The following SOAT1 variants were observed in gnomAD, a reference collection of about 807,000 sequenced individuals.
SOAT1 encodes the protein acyl-coenzyme A:cholesterol acyltransferase 1.
In SOAT1, 55 loss-of-function variants were observed where a neutral mutation model predicts 69.5. The ratio of observed to expected loss-of-function variants is 0.79; its 90% CI spans 0.64 to 0.99. The LOEUF is 0.99. Among genes scored for constraint, SOAT1 ranks in the 50% least tolerant of loss-of-function variants. The probability of loss-of-function intolerance (pLI) is 0.00; values close to 1 mark genes in which losing one functional copy is unlikely to be tolerated. For missense variants in SOAT1, 580 were observed against 669.3 expected (o/e 0.87, Z 1.47); for synonymous variants, 231 against 224.7 (o/e 1.03, Z -0.25).
intron 1 of SOAT1, among the ~76,000 whole-genome samples, chr1:179,301,558 G>A (rs748197424): frequency 9.2e-5 from 14 of 152,172 alleles, no homozygotes; most frequent in Non-Finnish European, 2.1e-4. Flanking sequence ...TGGGGCTGTG[G>A]TGTGCATTCC....
chr1:179,347,808 A>G lies in SOAT1; in HGVS notation c.1215+111A>G. On this transcript the variant is annotated intron_variant, in intron 12 of 15. Coordinates refer to ENST00000367619, the MANE Select transcript of SOAT1 (RefSeq NM_003101.6). ...CAGCCTTTCACACAAACATTGTGAA[A>G]TAATTTTCTTTTCTACAAGTTTTGC... 3.1e-6 allele frequency: 2 copies of G among 652,428 alleles called. 1 individual carries two copies. The highest frequency in any genetic ancestry group is 4.2e-5 in the South Asian group (2 of 47,178). 40.4% of individuals were successfully genotyped at this position (652,428 alleles called of 1,614,324 possible).
intron 9 of SOAT1, among the ~76,000 whole-genome samples, 173 bp from the exon 10 acceptor site, chr1:179,343,417 G>T (rs374459818): frequency 4.0e-5 from 6 of 151,896 alleles, no homozygotes; most frequent in Admixed American, 2.6e-4. Flanking sequence ...ATTAGAGACG[G>T]GGTTTCACCA....
At position 179,351,721 on chromosome 1, in the gene SOAT1, A is replaced by ATTTTTTTTTTTTTTTTTTTTTTTT. The variant is rs71901753; in HGVS notation, c.1596+275_1596+276insTTTTTTTTTTTTTTTTTTTTTTTT. Among the ~76,000 whole-genome samples, 322 of 106,420 alleles carry ATTTTTTTTTTTTTTTTTTTTTTTT rather than the reference A, an allele frequency of 3.0e-3. 31 individuals carry two copies. Among genetic ancestry groups the ATTTTTTTTTTTTTTTTTTTTTTTT allele is most frequent in the African/African-American group, 5.1e-3 (128 of 25,130 alleles). 69.8% of individuals were successfully genotyped at this position (106,420 alleles called of 152,430 possible). The stretch of plus-strand genomic sequence containing the variant: ...ACTGCCTTTTCTTCAGCCCCTTCTA[A>ATTTTTTTTTTTTTTTTTTTTTTTT]TTTTTTTTTTTTTTTTGAGACAGAG... On this transcript the variant is annotated intron_variant, in intron 15 of 15. Transcript: ENST00000367619.
intron 3 of SOAT1, among the ~76,000 whole-genome samples, chr1:179,327,129 T>A (rs1665822372): frequency 6.6e-6 from 1 of 152,198 alleles, no homozygotes; most frequent in African/African-American, 2.4e-5. Flanking sequence ...ATTGGTCACA[T>A]TTTTTTAGTT....
chr1:179,323,944 C>A (rs17277834), intron 3 of SOAT1, among the ~76,000 whole-genome samples: 28,730 of 151,952 alleles, frequency 0.19, 2,944 homozygotes, highest in Non-Finnish European at 0.23. Flanking sequence ...TTCTACAAAC[C>A]AGAATTCTTC....
At chr1:179,310,752 G>A (rs1320463782) in intron 2 of SOAT1, among the ~76,000 whole-genome samples, 1 of 152,148 alleles carries the variant, frequency 6.6e-6, no homozygotes, top group Non-Finnish European at 1.5e-5. Context: ...AAAACAATCA[G>A]GATTTAAAAA....
chr1:179,301,297 T>A (rs1664823509), intron 1 of SOAT1, among the ~76,000 whole-genome samples: 1 of 152,206 alleles, frequency 6.6e-6, no homozygotes, highest in East Asian at 1.9e-4. Context: ...ATCATGTTTT[T>A]TAGTGCTTAA....
chr1:179,341,781 C>T (rs1666347733), intron 7 of SOAT1, among the ~76,000 whole-genome samples: 1 of 152,180 alleles, frequency 6.6e-6, no homozygotes, highest in African/African-American at 2.4e-5. Context: ...GATCCGCCTG[C>T]CTCGGCCTCC....
intron 11 of SOAT1, 28 bp from the exon 12 acceptor site, chr1:179,347,572 C>T (rs1358553363): frequency 1.5e-6 from 2 of 1,323,924 alleles, no homozygotes; most frequent in Admixed American, 3.5e-5. Flanking sequence ...TTTGGAAAGA[C>T]TGTTAATATT....
In SOAT1 at chr1:179,300,870, C is replaced by T. The variant is rs140379899; in HGVS notation, c.-8-1807C>T. 7.1e-3 allele frequency among the ~76,000 whole-genome samples: 1,085 copies of T among 151,982 alleles called. 12 individuals carry two copies. The highest frequency in any genetic ancestry group is 0.024 in the African/African-American group (996 of 41,460). On this transcript the variant is annotated intron_variant, in intron 1 of 15. Transcript: ENST00000367619. ...CAGCACTTTGGGAGGCTGAGGCGGG[C>T]GGATAACTTGAGGTCAGAAGTTCGA...
At chr1:179,340,223 G>A (rs1161423308) in intron 6 of SOAT1, among the ~76,000 whole-genome samples, 1 of 152,206 alleles carries the variant, frequency 6.6e-6, no homozygotes, top group Non-Finnish European at 1.5e-5. Context: ...GGCCAGGCAT[G>A]GTTGCTTGTG....
chr1:179,319,472 A>G (rs1665518922), intron 2 of SOAT1, among the ~76,000 whole-genome samples: 2 of 151,602 alleles, frequency 1.3e-5, no homozygotes, highest in Non-Finnish European at 2.9e-5. Context: ...GTTTCTCCCC[A>G]TCGGTCAGGC....
chr1:179,342,225 TCCCCTCCCCTCCTCTCC>T, intron 8 of SOAT1, 33 bp downstream of exon 8: 2 of 1,480,956 alleles, frequency 1.4e-6, no homozygotes, highest in Non-Finnish European at 1.9e-6. Context: ...TATTTCTTCC[TCCCCTCCCCTCCTCTCC>T]CCCCACCCCA....
intron 6 of SOAT1, 44 bp from the exon 7 acceptor site, chr1:179,340,957 TTAAATTCTGTGAACTCAGTGTATATTA>T: frequency 1.4e-6 from 2 of 1,453,568 alleles, no homozygotes; most frequent in Non-Finnish European, 1.9e-6. Flanking sequence ...TTTGAAACTT[TTAAATTCTGTGAACTCAGTGTATATTA>T]AAAATTCACC....
At chr1:179,345,860 ATTTC>A (rs1666516774) in intron 11 of SOAT1, among the ~76,000 whole-genome samples, 1 of 151,834 alleles carries the variant, frequency 6.6e-6, no homozygotes, top group South Asian at 2.1e-4. Flanking sequence ...TTTTGCCACT[ATTTC>A]TTATTTTCCT....
Position 179,343,607 on chromosome 1 carries a change from G to T in SOAT1, c.959G>T (p.Trp320Leu). Residue 320 changes from tryptophan to leucine, a missense_variant, in exon 10 of 16, where the codon TGG (tryptophan) becomes TTG (leucine). Physicochemically the swap from Trp to Leu is moderately conservative, Grantham distance 61. Coordinates refer to ENST00000367619, the MANE Select transcript of SOAT1 (RefSeq NM_003101.6). ...DSYPRNPTVR[W>L]GYVAMKFAQV... ...TTTTTCAGGAATCCCACTGTAAGAT[G>T]GGGTTATGTCGCTATGAAGTTTGCA... is the stretch of plus-strand genomic sequence containing the variant. 6.2e-7 allele frequency: 1 copy of T among 1,611,644 alleles called. No homozygotes were observed. Among genetic ancestry groups the T allele is most frequent in the Non-Finnish European group, 8.5e-7 (1 of 1,178,602 alleles).
chr1:179,305,703 A>G (rs2124939650), intron 2 of SOAT1, among the ~76,000 whole-genome samples: 1 of 152,318 alleles, frequency 6.6e-6, no homozygotes, highest in East Asian at 1.9e-4. Context: ...CCAGCAATGT[A>G]TGAGGGTTCC....
chr1:179,309,327 C>T (rs184750472), intron 2 of SOAT1, among the ~76,000 whole-genome samples: 107 of 152,292 alleles, frequency 7.0e-4, no homozygotes, highest in African/African-American at 2.5e-3. Context: ...AGTGCGCCGC[C>T]TGCCTCAGCC....
intron 2 of SOAT1, among the ~76,000 whole-genome samples, chr1:179,321,604 G>T (rs1312642401): frequency 1.3e-5 from 2 of 152,288 alleles, no homozygotes; most frequent in East Asian, 3.9e-4. Context: ...GCGCAGCTGT[G>T]GTTGGCTCCC....
Sources: allele counts gnomAD v4.1 joint callset (sites outside exome capture counted in the v4.1 genomes callset), GRCh38; gene constraint gnomAD v4.1.1; transcripts MANE v1.5; gene names NCBI Gene and HGNC (gene_info 2026-07-23, HGNC 2026-07-21).